Variants in EML6 observed in about 807,000 individuals in gnomAD.
EML6 encodes EMAP like 6, also known as echinoderm microtubule-associated protein-like 6.
In EML6, 154 loss-of-function variants were observed where a neutral mutation model predicts 240.1. The observed-to-expected ratio is 0.64, with a 90% CI of 0.56 to 0.73. The LOEUF (loss-of-function observed/expected upper bound fraction) is 0.73. EML6 is among the 30% of genes least tolerant of loss of function. EML6 has a pLI of 0.00. For synonymous variants in EML6, 1,148 were observed against 899.0 expected, an observed-to-expected ratio of 1.28 and a Z score of -4.95; for missense variants, 2,964 against 2,474.6, an observed-to-expected ratio of 1.20 and a Z score of -4.20.
chr2:54,885,023 A>G (rs994223326), intron 17 of EML6, among the ~76,000 whole-genome samples: 2 of 152,002 alleles, frequency 1.3e-5, no homozygotes, highest in South Asian at 4.1e-4. Context: ...TTACCCGGGC[A>G]TGATGGTGCT....
At chr2:54,778,142 T>A (rs1187736261) in intron 2 of EML6, among the ~76,000 whole-genome samples, 1 of 152,210 alleles carries the variant, frequency 6.6e-6, no homozygotes, top group Non-Finnish European at 1.5e-5. Context: ...TTTATATGTA[T>A]CTGTGAATCT....
At position 54,903,067 on chromosome 2, in the gene EML6, C is replaced by T. The variant is rs1173807417; in HGVS notation, c.3148C>T (p.Pro1050Ser). ...AGGTGGAAGATGCTGTGCCTTTTCC[C>T]CTGATGGGAAAGCCTTAGCGGTTGG... ...KKGGRCCAFS[P>S]DGKALAVGLN... The change falls in exon 23 of 42, where the codon CCT becomes TCT. Residue 1050 changes from proline to serine, a missense_variant. Coordinates refer to ENST00000356458, the MANE Select transcript of EML6 (RefSeq NM_001039753.4). 1.9e-6 allele frequency: 3 copies of T among 1,551,494 alleles called. No homozygotes were observed. The East Asian group carries it at 7.3e-5, about 38-fold the overall frequency.
chr2:54,883,818 CTTTA>C (rs1473594345), intron 17 of EML6, among the ~76,000 whole-genome samples: 2 of 152,176 alleles, frequency 1.3e-5, no homozygotes, highest in African/African-American at 2.4e-5. Flanking sequence ...GCAGTGTGTT[CTTTA>C]TTTATATATT....
intron 2 of EML6, among the ~76,000 whole-genome samples, chr2:54,751,007 A>G (rs997860277): frequency 2.6e-5 from 4 of 152,216 alleles, no homozygotes; most frequent in Non-Finnish European, 5.9e-5. Context: ...TGTATTTCAA[A>G]GTGGTAGTTA....
intron 26 of EML6, 131 bp downstream of exon 26, chr2:54,917,066 A>G (rs1673955556): frequency 3.0e-6 from 2 of 658,228 alleles, no homozygotes; most frequent in Non-Finnish European, 4.9e-6. Flanking sequence ...TATGCTGTAT[A>G]AAAACCTCCC....
At chr2:54,953,540 C>G (rs537117368) in intron 31 of EML6, among the ~76,000 whole-genome samples, 1 of 152,228 alleles carries the variant, frequency 6.6e-6, no homozygotes, top group East Asian at 1.9e-4. Flanking sequence ...CTGGCCAGGT[C>G]AGGCTATAGG....
At chr2:54,928,138 G>A (rs1376124363) in intron 26 of EML6, among the ~76,000 whole-genome samples, 175 bp from the exon 27 acceptor site, 2 of 152,212 alleles carry the variant, frequency 1.3e-5, no homozygotes, top group South Asian at 2.1e-4. Flanking sequence ...GCTGGGTACT[G>A]TTTGAAGAAA....
intron 2 of EML6, among the ~76,000 whole-genome samples, chr2:54,783,803 G>A (rs985729974): frequency 5.3e-5 from 8 of 152,042 alleles, no homozygotes. Flanking sequence ...CTATAAATAT[G>A]TATCATTGAT....
chr2:54,818,199 TCTC>T (rs1668163354), intron 4 of EML6, among the ~76,000 whole-genome samples: 1 of 151,438 alleles, frequency 6.6e-6, no homozygotes, highest in African/African-American at 2.4e-5. Flanking sequence ...ACCAGTAAAA[TCTC>T]CTTACTTAGA....
At chr2:54,742,310 C>G (rs932222454) in intron 2 of EML6, among the ~76,000 whole-genome samples, 1 of 152,168 alleles carries the variant, frequency 6.6e-6, no homozygotes, top group African/African-American at 2.4e-5. Flanking sequence ...ATACTCCTTG[C>G]AGTAAGTCAA....
At chr2:54,945,609 C>T (rs1045284068) in intron 28 of EML6, among the ~76,000 whole-genome samples, 6 of 152,094 alleles carry the variant, frequency 3.9e-5, no homozygotes, top group African/African-American at 1.4e-4. Context: ...GCAACTGACT[C>T]GTGACCTCAG....
intron 2 of EML6, among the ~76,000 whole-genome samples, chr2:54,753,812 C>G (rs1352248505): frequency 6.6e-6 from 1 of 151,788 alleles, no homozygotes; most frequent in African/African-American, 2.4e-5. Flanking sequence ...GTTGGGACTA[C>G]AGGTGCACAT....
chr2:54,765,820 T>G, intron 2 of EML6, among the ~76,000 whole-genome samples: 1 of 138,758 alleles, frequency 7.2e-6, no homozygotes, highest in South Asian at 2.3e-4. Context: ...AGTCAATAAA[T>G]ACTTTAACCA....
At chr2:54,752,740 T>C (rs571131146) in intron 2 of EML6, among the ~76,000 whole-genome samples, 2 of 152,342 alleles carry the variant, frequency 1.3e-5, no homozygotes, top group African/African-American at 4.8e-5. Flanking sequence ...GTGTTCACTA[T>C]TGGACATTTG....
rs576668094 is a variant in EML6, at chr2:54,724,472, G to C, written c.-513-77G>C. 1 of 152,160 alleles carries C rather than the reference G, an allele frequency of 6.6e-6. No homozygotes were observed. The highest frequency in any genetic ancestry group is 2.1e-4 in the South Asian group (1 of 4,816). 9.4% of individuals were successfully genotyped at this position (152,160 alleles called of 1,614,324 possible). On this transcript the variant is annotated intron_variant, in intron 1 of 41. Transcript: ENST00000356458. This position sits in a 1 kb window ranked among gnomAD's most constrained non-coding sequence, Gnocchi z 5.2. ...AAAATACCCAACTTGGTTTAGTTTG[G>C]GGATAATTTTCTTGGATTGGGTGAC...
intron 2 of EML6, among the ~76,000 whole-genome samples, chr2:54,749,740 T>C (rs1684073485): frequency 6.6e-6 from 1 of 152,188 alleles, no homozygotes; most frequent in South Asian, 2.1e-4. Flanking sequence ...AACATCCAGC[T>C]AGTAGCTGTC....
chr2:54,969,962 A>G lies in EML6; in HGVS notation c.5853-109A>G, dbSNP rs2289364. ...TTACCTTTTGAAGTCAAAATGTTCA[A>G]TACATCACCCGAGCTTGACTTTTGA... On this transcript the variant is annotated intron_variant, in intron 41 of 41. Coordinates refer to ENST00000356458, the MANE Select transcript of EML6 (RefSeq NM_001039753.4). The G allele has an allele frequency of 3.4e-4, 388 of 1,145,268 alleles. 3 individuals carry two copies. The East Asian group carries it at 9.5e-3, about 28-fold the overall frequency. 70.9% of individuals were successfully genotyped at this position (1,145,268 alleles called of 1,614,324 possible).
chr2:54,909,855 A>C lies in EML6; in HGVS notation c.3410-1099A>C, dbSNP rs1573122729. Reference sequence around the variant, plus strand: ...GACAGAGCGAGACTCCATCTCAAAAAAAAAAAAAAAAAAAAAAGATTAGCC... The same window carrying C: ...GACAGAGCGAGACTCCATCTCAAAACAAAAAAAAAAAAAAAAAGATTAGCC... On this transcript the variant is annotated intron_variant, in intron 24 of 41. Transcript: ENST00000356458. Among the ~76,000 whole-genome samples the C allele has an allele frequency of 4.0e-5, 6 of 151,082 alleles. 1 individual carries two copies. The South Asian group carries it at 1.0e-3, about 26-fold the overall frequency.
chr2:54,832,954 G>T (rs1389036634), intron 7 of EML6, among the ~76,000 whole-genome samples: 2 of 152,166 alleles, frequency 1.3e-5, no homozygotes, highest in Non-Finnish European at 2.9e-5. Context: ...TGATATAAAT[G>T]AGCTTTCTTC....
Sources: gnomAD v4.1 joint callset for allele counts (sites outside exome capture counted in the v4.1 genomes callset) on GRCh38, gnomAD v4.1.1 for gene constraint, Gnocchi (gnomAD v3.1) non-coding constraint, MANE v1.5 for transcripts, NCBI Gene and HGNC (gene_info 2026-07-23, HGNC 2026-07-21) for gene names.